Variants in TCEANC2 observed in about 807,000 individuals in gnomAD.
The protein encoded by TCEANC2 is transcription elongation factor A N-terminal and central domain-containing protein 2.
In TCEANC2, 20 loss-of-function variants were observed where a neutral mutation model predicts 22.8. That is an observed-to-expected ratio of 0.88 (90% CI 0.62 to 1.28). TCEANC2 has a LOEUF of 1.28. TCEANC2 is among the 50% of genes most tolerant of loss of function. TCEANC2 has a pLI of 0.00. For missense variants in TCEANC2, 251 were observed against 249.7 expected, an observed-to-expected ratio of 1.01 and a Z score of -0.03; for synonymous variants, 84 against 95.5, an observed-to-expected ratio of 0.88 and a Z score of 0.70.
chr1:54,088,555 G>T lies in TCEANC2; in HGVS notation c.245-42G>T, dbSNP rs749723057. 2.0e-6 allele frequency: 3 copies of T among 1,532,312 alleles called. No individual in the cohort carries two copies. In the South Asian group the frequency reaches 3.7e-5, roughly 19 times the overall value. The allele number at this position is 1,532,312 out of a possible 1,614,324, so 94.9% of individuals were successfully genotyped here. A position where few individuals can be genotyped will look rare whatever the true frequency, so the allele number is the denominator to read the frequency against. On this transcript the variant is annotated intron_variant, in intron 3 of 4. Transcript: ENST00000234827. ...TCTAGTCCTGCGCTTCTCAGAAGAA[G>T]ATGTAACAACCTTTCCTTTGGTTTT... is the stretch of plus-strand genomic sequence containing the variant.
exon 5 of TCEANC2, chr1:54,111,667 C>G (rs1658841802): frequency 6.6e-6 from 1 of 152,226 alleles, no homozygotes; most frequent in Non-Finnish European, 1.5e-5. Context: ...CCATGTAACC[C>G]TCACGACAAC....
At chr1:54,063,295 C>T (rs1199812837) in intron 2 of TCEANC2, among the ~76,000 whole-genome samples, 3 of 152,112 alleles carry the variant, frequency 2.0e-5, no homozygotes, top group African/African-American at 7.2e-5. Context: ...CAGATTGTTA[C>T]CTTCTCAGGG....
intron 2 of TCEANC2, among the ~76,000 whole-genome samples, chr1:54,067,557 C>T (rs1270731804): frequency 1.3e-5 from 2 of 152,204 alleles, no homozygotes; most frequent in African/African-American, 4.8e-5. Context: ...TTCCCCTTTC[C>T]TCTTTTCCTT....
intron 2 of TCEANC2, among the ~76,000 whole-genome samples, chr1:54,064,121 A>G (rs1461889297): frequency 6.6e-6 from 1 of 152,222 alleles, no homozygotes; most frequent in East Asian, 1.9e-4. Flanking sequence ...GGATAAACTA[A>G]TGGTCAGAAA....
intron 4 of TCEANC2, chr1:54,089,786 G>A (rs1658407959): frequency 2.8e-6 from 1 of 359,782 alleles, no homozygotes; most frequent in East Asian, 4.9e-5. Context: ...TTAAAATAAA[G>A]TTTTGGACCT....
rs1028981983 is a variant in TCEANC2 at position 54,053,770 on chromosome 1, G to A, written c.-43+12G>A. 6.5e-6 allele frequency: 1 copy of A among 153,498 alleles called. No individual in the cohort carries two copies. Among genetic ancestry groups the A allele is most frequent in the East Asian group, 1.9e-4 (1 of 5,202 alleles). 9.5% of individuals were successfully genotyped at this position (153,498 alleles called of 1,614,324 possible). A position where few individuals can be genotyped will look rare whatever the true frequency, so the allele number is the denominator to read the frequency against. On this transcript the variant is annotated intron_variant, in intron 1 of 4. Transcript: ENST00000234827. Reference sequence around the variant, plus strand: ...GGCTGCTTTTCCTGGTGGGTCTCACGTCAGACCGTTGTTGGGTGCCCCTAC... The same window carrying A: ...GGCTGCTTTTCCTGGTGGGTCTCACATCAGACCGTTGTTGGGTGCCCCTAC...
At chr1:54,089,598 C>T (rs1557693469) in intron 4 of TCEANC2, among the ~76,000 whole-genome samples, 1 of 152,130 alleles carries the variant, frequency 6.6e-6, no homozygotes, top group Non-Finnish European at 1.5e-5. Flanking sequence ...CCCAGGATAT[C>T]CCAGAGCAAC....
chr1:54,085,087 C>A (rs1658315115), intron 3 of TCEANC2, among the ~76,000 whole-genome samples: 1 of 152,164 alleles, frequency 6.6e-6, no homozygotes, highest in Non-Finnish European at 1.5e-5. Context: ...TTCCCAGGTC[C>A]ATAGAAAGGC....
chr1:54,060,955 A>C (rs573644905), intron 2 of TCEANC2, among the ~76,000 whole-genome samples: 18 of 152,214 alleles, frequency 1.2e-4, no homozygotes, highest in South Asian at 2.1e-4. Context: ...CTCAAACAAA[A>C]AAAAAAAGAG....
chr1:54,065,468 A>G (rs1412616181), intron 2 of TCEANC2, among the ~76,000 whole-genome samples: 2 of 152,140 alleles, frequency 1.3e-5, no homozygotes, highest in Non-Finnish European at 2.9e-5. Context: ...CTGTAATCCC[A>G]GCACTTGGGG....
chr1:54,093,256 C>T (rs372367417), intron 4 of TCEANC2, among the ~76,000 whole-genome samples: 31 of 152,226 alleles, frequency 2.0e-4, no homozygotes, highest in African/African-American at 4.8e-4. Flanking sequence ...CTCAAGGACT[C>T]GGTGAAACTC....
chr1:54,085,702 G>T (rs1409121661), intron 3 of TCEANC2, among the ~76,000 whole-genome samples: 1 of 152,016 alleles, frequency 6.6e-6, no homozygotes, highest in East Asian at 1.9e-4. Flanking sequence ...GAGATTTTTG[G>T]TTGAGATTAC....
rs749207769 is a variant in TCEANC2, at chr1:54,053,625, C to T, written c.-176C>T. The T allele has an allele frequency of 4.8e-4, 79 of 164,210 alleles. No individual in the cohort carries two copies. The highest frequency in any genetic ancestry group is 9.2e-4 in the Non-Finnish European group (69 of 75,064). 10.2% of individuals were successfully genotyped at this position (164,210 alleles called of 1,614,324 possible). On this transcript the variant is annotated 5_prime_UTR_variant, in exon 1 of 5. Transcript: ENST00000234827. ...TGTGGCCCAGAGGCGCGAGGGCCGG[C>T]GGAGTTTCTTCAGAGGAACTACCGC...
At chr1:54,108,754 T>C (rs1658795513), downstream of TCEANC2, among the ~76,000 whole-genome samples, 1 of 151,914 alleles carries the variant, frequency 6.6e-6, no homozygotes, top group Non-Finnish European at 1.5e-5. Flanking sequence ...GGGCGGATCA[T>C]GAGGTCAGGA....
At chr1:54,107,552 C>T (rs146511525), downstream of TCEANC2, among the ~76,000 whole-genome samples, 450 of 152,272 alleles carry the variant, frequency 3.0e-3, 2 homozygotes, top group African/African-American at 0.01. Flanking sequence ...AGTGGAGTAT[C>T]TACCTATATA....
chr1:54,068,383 A>G (rs1263605292), intron 2 of TCEANC2, among the ~76,000 whole-genome samples: 5 of 152,254 alleles, frequency 3.3e-5, no homozygotes. Context: ...AAACATGTCT[A>G]TGACTTCCCT....
At chr1:54,054,703 T>C (rs1284034764) in intron 2 of TCEANC2, among the ~76,000 whole-genome samples, 179 bp downstream of exon 2, 1 of 152,238 alleles carries the variant, frequency 6.6e-6, no homozygotes. Flanking sequence ...TATAAATTTC[T>C]GCACACCCCT....
chr1:54,084,766 C>T (rs571405161), intron 3 of TCEANC2, among the ~76,000 whole-genome samples: 28 of 151,532 alleles, frequency 1.8e-4, no homozygotes, highest in South Asian at 8.4e-4. Context: ...AGCAAAACTC[C>T]GTCTAAAAAA....
chr1:54,090,523 TTTAG>T (rs1213476740), intron 4 of TCEANC2, among the ~76,000 whole-genome samples: 2 of 152,224 alleles, frequency 1.3e-5, no homozygotes, highest in African/African-American at 2.4e-5. Context: ...CTTGATCAAT[TTTAG>T]TTAGTGTCAT....
Sources: allele counts gnomAD v4.1 joint callset (sites outside exome capture counted in the v4.1 genomes callset), GRCh38; gene constraint gnomAD v4.1.1; transcripts MANE v1.5; gene names NCBI Gene and HGNC (gene_info 2026-07-23, HGNC 2026-07-21).